Variants in MB21D2 observed in about 807,000 individuals in gnomAD.
MB21D2 encodes nucleotidyltransferase MB21D2.
A neutral mutation model predicts 33.3 loss-of-function variants in MB21D2; 9 were observed. That is an observed-to-expected ratio of 0.27 (90% CI 0.16 to 0.47). MB21D2 has a LOEUF of 0.47. MB21D2 is among the 20% of genes least tolerant of loss of function. The pLI, the probability that MB21D2 is intolerant of heterozygous loss-of-function variation, is 0.99. For missense variants in MB21D2, 540 were observed against 624.6 expected, an observed-to-expected ratio of 0.86 and a Z score of 1.44; for synonymous variants, 241 against 236.3, an observed-to-expected ratio of 1.02 and a Z score of -0.18.
At position 192,832,737 on chromosome 3, in the gene MB21D2, C is replaced by G. The variant is rs142276738; in HGVS notation, c.212-33087G>C. ...CCCGGGAGGCGGAGGTTGCAGTGAG[C>G]CGAGAGATCGAGCCACTGCACTCCA... On this transcript the variant is annotated intron_variant, in intron 1 of 1. Coordinates refer to ENST00000392452, the MANE Select transcript of MB21D2 (RefSeq NM_178496.4). 8.6e-4 allele frequency among the ~76,000 whole-genome samples: 131 copies of G among 152,240 alleles called. 1 individual carries two copies. The highest frequency in any genetic ancestry group is 3.0e-3 in the African/African-American group (126 of 41,524).
chr3:192,900,455 C>A (rs1220460577), intron 1 of MB21D2, among the ~76,000 whole-genome samples: 2 of 152,064 alleles, frequency 1.3e-5, no homozygotes, highest in African/African-American at 4.8e-5. Context: ...TTAAAAGGGA[C>A]AAGAATGGTC....
At chr3:192,820,171 A>G (rs1458453386) in intron 1 of MB21D2, among the ~76,000 whole-genome samples, 1 of 152,212 alleles carries the variant, frequency 6.6e-6, no homozygotes, top group Non-Finnish European at 1.5e-5. Flanking sequence ...AGCAAGTCAG[A>G]GCTAAGATGT....
chr3:192,836,522 T>A (rs548077022), intron 1 of MB21D2, among the ~76,000 whole-genome samples: 1 of 152,168 alleles, frequency 6.6e-6, no homozygotes. Flanking sequence ...GGTAGTCTTA[T>A]AAGAAGAGAT....
At chr3:192,866,430 C>T (rs1361085639) in intron 1 of MB21D2, among the ~76,000 whole-genome samples, 1 of 152,008 alleles carries the variant, frequency 6.6e-6, no homozygotes, top group Non-Finnish European at 1.5e-5. Context: ...GGAACTGACG[C>T]AAGGAAATCA....
intron 1 of MB21D2, among the ~76,000 whole-genome samples, chr3:192,814,216 G>T (rs1711858480): frequency 6.6e-6 from 1 of 151,998 alleles, no homozygotes; most frequent in Admixed American, 6.6e-5. Context: ...GATACATCCA[G>T]AAGTTCAGAT....
intron 1 of MB21D2, among the ~76,000 whole-genome samples, chr3:192,884,817 C>A (rs1489774026): frequency 6.6e-6 from 1 of 152,062 alleles, no homozygotes; most frequent in Non-Finnish European, 1.5e-5. Context: ...CAGCACCCTA[C>A]ACATAAGAGG....
intron 1 of MB21D2, among the ~76,000 whole-genome samples, chr3:192,911,600 T>C (rs1011749366): frequency 2.6e-5 from 4 of 152,176 alleles, no homozygotes; most frequent in African/African-American, 4.8e-5. Context: ...GATTTTGAAT[T>C]GTTAGAATCT....
intron 1 of MB21D2, among the ~76,000 whole-genome samples, chr3:192,832,626 C>G (rs2108621345): frequency 6.6e-6 from 1 of 152,264 alleles, no homozygotes; most frequent in Admixed American, 6.5e-5. Flanking sequence ...CCCATCGCTA[C>G]TAAAAATACA....
rs116066549 is a variant in MB21D2, at chr3:192,808,684, G to C, written c.212-9034C>G. The stretch of plus-strand genomic sequence containing the variant: ...TCCCAAGAACCTACTACTTAAGACA[G>C]ACAACTATAACGTAGACTTCTATAG... On this transcript the variant is annotated intron_variant, in intron 1 of 1. Transcript: ENST00000392452. Among the ~76,000 whole-genome samples the C allele has an allele frequency of 8.5e-3, 1,295 of 152,290 alleles. 28 individuals carry two copies. The highest frequency in any genetic ancestry group is 0.028 in the African/African-American group (1,175 of 41,550).
intron 1 of MB21D2, among the ~76,000 whole-genome samples, chr3:192,845,341 TCGCATCC>T (rs1311108502): frequency 1.3e-5 from 2 of 152,244 alleles, no homozygotes; most frequent in East Asian, 3.8e-4. Context: ...CAACTGCCTT[TCGCATCC>T]CCAAAGGTTC....
At chr3:192,840,743 T>C (rs760568587) in intron 1 of MB21D2, among the ~76,000 whole-genome samples, 3 of 152,166 alleles carry the variant, frequency 2.0e-5, no homozygotes, top group Non-Finnish European at 4.4e-5. Context: ...ATCAGAGGCT[T>C]TGGATAGGCA....
chr3:192,863,523 A>G (rs1458241087), intron 1 of MB21D2, among the ~76,000 whole-genome samples: 2 of 152,130 alleles, frequency 1.3e-5, no homozygotes, highest in East Asian at 1.9e-4. Context: ...TCATTCATAC[A>G]CTTATTAAAT....
At chr3:192,804,458 C>T (rs1031400349) in intron 1 of MB21D2, among the ~76,000 whole-genome samples, 2 of 149,146 alleles carry the variant, frequency 1.3e-5, no homozygotes, top group Non-Finnish European at 3.0e-5. Flanking sequence ...CACACACACA[C>T]ACACTTACAT....
chr3:192,877,530 C>T (rs1478146549), intron 1 of MB21D2, among the ~76,000 whole-genome samples: 1 of 152,192 alleles, frequency 6.6e-6, no homozygotes, highest in Non-Finnish European at 1.5e-5. Context: ...ATCAACTCAT[C>T]CACAATGGCC....
At chr3:192,878,103 G>GT (rs1296544101) in intron 1 of MB21D2, among the ~76,000 whole-genome samples, 4 of 134,220 alleles carry the variant, frequency 3.0e-5, no homozygotes, top group South Asian at 2.3e-4. Flanking sequence ...TTTTTTTTTG[G>GT]TTTTTTTTGT....
At position 192,828,591 on chromosome 3, in the gene MB21D2, CATATATATATATATATATA is replaced by C. The variant is rs1712230709; in HGVS notation, c.212-28960_212-28942del. Among the ~76,000 whole-genome samples the C allele has an allele frequency of 5.7e-4, 31 of 54,142 alleles. 5 individuals are homozygous for C. Among genetic ancestry groups the C allele is most frequent in the Admixed American group, 1.9e-3 (7 of 3,634 alleles). The allele number at this position is 54,142 out of a possible 152,430, so 35.5% of individuals were successfully genotyped here. A position where few individuals can be genotyped will look rare whatever the true frequency, so the allele number is the denominator to read the frequency against. On this transcript the variant is annotated intron_variant, in intron 1 of 1. Transcript: ENST00000392452. ...TATATACAATAAAACTCACCCCCCC[CATATATATATATATATATA>C]TATATATATATATATATATATATAT...
intron 1 of MB21D2, among the ~76,000 whole-genome samples, chr3:192,873,875 T>C (rs372442856): frequency 6.6e-6 from 1 of 152,116 alleles, no homozygotes; most frequent in Admixed American, 6.5e-5. Context: ...GTAATTGTTG[T>C]AGTTTTAGTA....
intron 1 of MB21D2, among the ~76,000 whole-genome samples, chr3:192,839,790 A>G (rs1712528392): frequency 6.6e-6 from 1 of 152,230 alleles, no homozygotes; most frequent in South Asian, 2.1e-4. Context: ...CAATCTATAC[A>G]GAAAACAACC....
At chr3:192,902,516 C>T (rs1714124569) in intron 1 of MB21D2, among the ~76,000 whole-genome samples, 1 of 152,146 alleles carries the variant, frequency 6.6e-6, no homozygotes, top group Non-Finnish European at 1.5e-5. Context: ...ATCGCCTAGC[C>T]AACAGTGAGG....
Sources: allele counts gnomAD v4.1 joint callset (sites outside exome capture counted in the v4.1 genomes callset), GRCh38; gene constraint gnomAD v4.1.1; transcripts MANE v1.5; gene names NCBI Gene and HGNC (gene_info 2026-07-23, HGNC 2026-07-21).